Variants in USP36 observed in about 807,000 individuals in gnomAD.
USP36 encodes the protein ubiquitin specific peptidase 36.
A neutral mutation model predicts 111.5 loss-of-function variants in USP36; 59 were observed. The observed-to-expected ratio is 0.53, with a 90% CI of 0.43 to 0.66. The LOEUF is 0.66. Ranked by LOEUF, USP36 falls within the 30% of genes least tolerant of loss-of-function variation. The probability of loss-of-function intolerance (pLI) is 0.00; values close to 1 mark genes in which losing one functional copy is unlikely to be tolerated. For missense variants in USP36, 1,488 were observed against 1,468.0 expected (o/e 1.01, Z -0.22); for synonymous variants, 628 against 581.0 (o/e 1.08, Z -1.16).
At chr17:78,826,104 T>C (rs1024731057) in intron 6 of USP36, among the ~76,000 whole-genome samples, 1 of 152,012 alleles carries the variant, frequency 6.6e-6, no homozygotes, top group African/African-American at 2.4e-5. Context: ...AGACCTGGGA[T>C]CATACAGGGA....
At chr17:78,787,585 G>C (rs530911934) in exon 4 of USP36, 1 of 152,362 alleles carries the variant, frequency 6.6e-6, no homozygotes, top group Non-Finnish European at 1.5e-5. Context: ...GGAACACACA[G>C]GTCAATGAAG....
Position 78,812,913 on chromosome 17 carries a change from G to C in USP36, c.1354C>G (p.His452Asp). 6.2e-7 allele frequency: 1 copy of C among 1,613,928 alleles called. No individual in the cohort carries two copies. The highest frequency in any genetic ancestry group is 8.5e-7 in the Non-Finnish European group (1 of 1,180,002). ...CCATTGCCGATGTTCTTCTTGGAGT[G>C]ATCTGGAATCACACTCGGGCGGCCG... ...LPGRPSVIPDHSKKNIGNGII... is the reference protein window; with the variant it reads ...LPGRPSVIPDDSKKNIGNGII... Residue 452 changes from histidine (H) to aspartate (D), a missense_variant, in exon 13 of 21, where the codon CAC (histidine) becomes GAC (aspartate). His to Asp is a moderately conservative substitution (Grantham distance 81, BLOSUM62 -1). Around this residue, in one of 3 missense-constraint regions of USP36, gnomAD observed 1,073 missense variants for 994.1 expected, o/e 1.08. Transcript: ENST00000449938.
In USP36 at chr17:78,817,114, T is replaced by C. The variant is rs530365540; in HGVS notation, c.1023+1553A>G. ...TGTTTAGATACACAAATACTTCCCA[T>C]TGTGTTGCAACTGCCTACAGTATTC... On this transcript the variant is annotated intron_variant, in intron 10 of 20. Coordinates refer to ENST00000449938, the MANE Select transcript of USP36 (RefSeq NM_001385174.1). Among the ~76,000 whole-genome samples, 13 of 152,304 alleles carry C rather than the reference T, an allele frequency of 8.5e-5. No homozygotes were observed. In the South Asian group the frequency reaches 2.7e-3, roughly 32 times the overall value.
chr17:78,822,405 C>T (rs2094351419), intron 6 of USP36, among the ~76,000 whole-genome samples: 1 of 141,518 alleles, frequency 7.1e-6, no homozygotes, highest in East Asian at 2.5e-4. Context: ...GCTAGGGCGC[C>T]CACCCAGCCC....
intron 10 of USP36, among the ~76,000 whole-genome samples, chr17:78,818,399 G>C (rs748053436): frequency 1.3e-5 from 2 of 152,166 alleles, no homozygotes; most frequent in Admixed American, 1.3e-4. Context: ...GTCCTCCAGA[G>C]ATTCAAATTC....
At chr17:78,805,345 T>C (rs1193992989) in intron 15 of USP36, among the ~76,000 whole-genome samples, 1 of 152,160 alleles carries the variant, frequency 6.6e-6, no homozygotes, top group African/African-American at 2.4e-5. Context: ...ACAAATCTTA[T>C]GCTAGGTATA....
rs762019942 is a variant in USP36 at position 78,827,286 on chromosome 17, G to T, written c.648C>A (p.Thr216=). ...GGCAGGCTTTCTGCATGGCGTCGAT[G>T]GTGTACCGCAGGAACTCATGCGCGT... is the stretch of plus-strand genomic sequence containing the variant. ...QEDAHEFLRY[T]IDAMQKACLN... is the part of the protein sequence containing the mutation. Residue 216 remains threonine (T), a synonymous_variant, in exon 6 of 21, where the codon ACC becomes ACA. Coordinates refer to ENST00000449938, the MANE Select transcript of USP36 (RefSeq NM_001385174.1). 25 of 1,613,918 alleles carry T rather than the reference G, an allele frequency of 1.5e-5. No homozygotes were observed. Among genetic ancestry groups the T allele is most frequent in the Admixed American group, 1.2e-4 (7 of 60,002 alleles).
intron 3 of USP36, among the ~76,000 whole-genome samples, chr17:78,790,436 G>A (rs1050900907): frequency 9.2e-5 from 14 of 152,042 alleles, no homozygotes; most frequent in African/African-American, 2.7e-4. Flanking sequence ...GACTACAGGC[G>A]TGTGCCACGA....
Position 78,806,977 on chromosome 17 carries a change from C to T in USP36, c.2067G>A (p.Leu689=), listed in dbSNP as rs1175596206. 6.2e-7 allele frequency: 1 copy of T among 1,614,140 alleles called. No homozygotes were observed. The highest frequency in any genetic ancestry group is 2.2e-5 in the East Asian group (1 of 44,886). Residue 689 remains leucine, a synonymous_variant, in exon 14 of 21, where the codon CTG becomes CTA. Coordinates refer to ENST00000449938, the MANE Select transcript of USP36 (RefSeq NM_001385174.1). Reference sequence around the variant, plus strand: ...CACCCACCTTCTTGGCAGAAAGGGCCAGTTTTTTGGCTGGTGGAGGAGACA... The same window carrying T: ...CACCCACCTTCTTGGCAGAAAGGGCTAGTTTTTTGGCTGGTGGAGGAGACA... ...STMSPPPAKK[L]ALSAKKASTL...
At chr17:78,821,420 A>ATATATATATATATTTTTTT (rs1192213715) in intron 7 of USP36, 1 of 34,566 alleles carries the variant, frequency 2.9e-5, no homozygotes, top group African/African-American at 1.6e-4. Context: ...ATATATATAT[A>ATATATATATATATTTTTTT]TTTTTTTTTT....
chr17:78,787,454 A>G (rs1045940280), exon 4 of USP36: 1 of 152,268 alleles, frequency 6.6e-6, no homozygotes, highest in African/African-American at 2.4e-5. Context: ...AAAAGCAGTC[A>G]GAACGGTGGT....
chr17:78,822,685 C>A (rs966579092), intron 6 of USP36, among the ~76,000 whole-genome samples: 1 of 152,218 alleles, frequency 6.6e-6, no homozygotes, highest in African/African-American at 2.4e-5. Flanking sequence ...CCCACGCCTA[C>A]GTATCCATAT....
intron 4 of USP36, among the ~76,000 whole-genome samples, 188 bp downstream of exon 4, chr17:78,835,092 C>T (rs1439801969): frequency 6.6e-6 from 1 of 151,838 alleles, no homozygotes; most frequent in Non-Finnish European, 1.5e-5. Flanking sequence ...ACAGCCCCAC[C>T]TGACCGATTC....
At chr17:78,822,310 A>G (rs2094348831) in intron 6 of USP36, among the ~76,000 whole-genome samples, 1 of 152,224 alleles carries the variant, frequency 6.6e-6, no homozygotes, top group Middle Eastern at 3.4e-3. Flanking sequence ...GTGTATCCTC[A>G]CCCAGTGTTG....
In USP36 at chr17:78,827,282, C is replaced by T. The variant is rs1225366718; in HGVS notation, c.652G>A (p.Asp218Asn). 4 of 1,613,986 alleles carry T rather than the reference C, an allele frequency of 2.5e-6. No homozygotes were observed. Among genetic ancestry groups the T allele is most frequent in the South Asian group, 1.1e-5 (1 of 91,066 alleles). ...DAHEFLRYTI[D>N]AMQKACLNGC... ...TTCAGGCAGGCTTTCTGCATGGCGT[C>T]GATGGTGTACCGCAGGAACTCATGC... The change falls in exon 6 of 21, where the codon GAC becomes AAC. Residue 218 changes from aspartate (D) to asparagine (N), a missense_variant. Coordinates refer to ENST00000449938, the MANE Select transcript of USP36 (RefSeq NM_001385174.1).
rs560268535 is a variant in USP36, at chr17:78,840,789, G to C, written c.-227C>G. The C allele has an allele frequency of 9.2e-5, 14 of 152,524 alleles. No individual in the cohort carries two copies. Among genetic ancestry groups the C allele is most frequent in the Non-Finnish European group, 1.3e-4 (9 of 68,232 alleles). The allele number at this position is 152,524 out of a possible 1,614,324, so 9.4% of individuals were successfully genotyped here. A position where few individuals can be genotyped will look rare whatever the true frequency, so the allele number is the denominator to read the frequency against. ...CCTACGCAGCCCTGGCGACTCCTTC[G>C]GCCCGCGGCCCAGCACGCGCACCAT... On this transcript the variant is annotated 5_prime_UTR_variant, in exon 1 of 21. Transcript: ENST00000449938.
At position 78,802,460 on chromosome 17, in the gene USP36, CTTTCTTTTTTTCTT is replaced by C; in HGVS notation, c.2872_2885del (p.Lys958AlafsTer62). On this transcript the variant is annotated frameshift_variant, in exon 17 of 21. Coordinates refer to ENST00000449938, the MANE Select transcript of USP36 (RefSeq NM_001385174.1). LOFTEE classifies it high-confidence loss of function. ...CTTCTACTGCCCGCTGTGTCTCCTG[CTTTCTTTTTTTCTT>C]TTTCTTTTTCCTTGGAGACTCTTCC... The C allele has an allele frequency of 6.3e-7, 1 of 1,587,964 alleles. No individual in the cohort carries two copies. The highest frequency in any genetic ancestry group is 1.1e-5 in the South Asian group (1 of 90,320).
intron 8 of USP36, 21 bp from the exon 9 acceptor site, chr17:78,820,033 G>C (rs1567949337): frequency 3.7e-6 from 6 of 1,613,174 alleles, no homozygotes; most frequent in Non-Finnish European, 4.2e-6. Context: ...CAAAAACAGG[G>C]AGTAAAATAC....
rs776672459 is a variant in USP36 at position 78,807,130 on chromosome 17, G to C, written c.1914C>G (p.Cys638Trp). The change falls in exon 14 of 21, where the codon TGC becomes TGG. Residue 638 changes from cysteine to tryptophan, a missense_variant. By Grantham distance (215) the Cys-to-Trp change is radical (BLOSUM62 -2). This residue lies in a region of USP36 where 1,073 missense variants were observed against 994.1 expected (regional missense o/e 1.08). Transcript: ENST00000449938. ...TGGAACAGTTCGTTTCCTGAGAATC[G>C]CAGAGATGGGCCGCTCCACTCCTGG... ...QTPRSGAAHL[C>W]DSQETNCSTA... 3 of 1,614,090 alleles carry C rather than the reference G, an allele frequency of 1.9e-6. No individual in the cohort carries two copies. The highest frequency in any genetic ancestry group is 2.5e-6 in the Non-Finnish European group (3 of 1,180,056).
Sources: allele counts gnomAD v4.1 joint callset (sites outside exome capture counted in the v4.1 genomes callset), GRCh38; gene constraint gnomAD v4.1.1; regional missense constraint gnomAD v4.1.1; transcripts MANE v1.5; gene names NCBI Gene and HGNC (gene_info 2026-07-23, HGNC 2026-07-21).